Variants in GSE1 observed in about 807,000 individuals in gnomAD.
GSE1 encodes Gse1 coiled-coil protein, also known as genetic suppressor element 1.
GSE1 carries 32 observed loss-of-function variants against 112.6 expected under a neutral mutation model. That is an observed-to-expected ratio of 0.28 (90% CI 0.21 to 0.38). The LOEUF is 0.38. GSE1 is among the 10% of genes least tolerant of loss of function. GSE1 has a pLI of 1.00. For missense variants in GSE1, 2,348 were observed against 1,699.2 expected (o/e 1.38, Z -6.71); for synonymous variants, 1,115 against 735.6 (o/e 1.52, Z -8.35).
intron 2 of GSE1, among the ~76,000 whole-genome samples, chr16:85,376,889 C>T (rs1038655042): frequency 5.3e-4 from 80 of 152,316 alleles, no homozygotes; most frequent in Non-Finnish European, 1.6e-4. Context: ...CACACCCCTC[C>T]GCACACCGCA....
At chr16:85,608,000 C>T (rs201952125), upstream of GSE1, among the ~76,000 whole-genome samples, 21 of 152,310 alleles carry the variant, frequency 1.4e-4, no homozygotes, top group Admixed American at 7.8e-4. Context: ...ATTCCTCCCC[C>T]CCATGATTTC....
chr16:85,667,258 A>G (rs1204133636), intron 13 of GSE1, among the ~76,000 whole-genome samples: 1 of 152,190 alleles, frequency 6.6e-6, no homozygotes, highest in East Asian at 1.9e-4. Context: ...TCCTGGCCTT[A>G]CACTAAACTG....
At chr16:85,367,553 C>T (rs909809279) in intron 2 of GSE1, among the ~76,000 whole-genome samples, 1 of 152,202 alleles carries the variant, frequency 6.6e-6, no homozygotes, top group African/African-American at 2.4e-5. Context: ...GACCTGAGGG[C>T]GTGGCTTTAG....
chr16:85,426,189 A>AGATGGATG (rs760161574), intron 2 of GSE1, among the ~76,000 whole-genome samples: 20 of 78,820 alleles, frequency 2.5e-4, no homozygotes, highest in African/African-American at 7.4e-4. Context: ...TATAGTGGAT[A>AGATGGATG]GATGGATGGC....
At chr16:85,651,262 T>C (rs1438894816) in intron 3 of GSE1, among the ~76,000 whole-genome samples, 3 of 151,758 alleles carry the variant, frequency 2.0e-5, no homozygotes, top group Non-Finnish European at 4.4e-5. Context: ...CTTGCCTGGA[T>C]GGGGGGCAGC....
At chr16:85,206,916 G>A (rs2075127997) in intron 1 of GSE1, among the ~76,000 whole-genome samples, 1 of 152,040 alleles carries the variant, frequency 6.6e-6, no homozygotes, top group African/African-American at 2.4e-5. Context: ...AGCCCAGAGG[G>A]GTGGGCCAGC....
chr16:85,247,486 C>T (rs1020262815), intron 1 of GSE1, among the ~76,000 whole-genome samples: 13 of 152,220 alleles, frequency 8.5e-5, no homozygotes, highest in Non-Finnish European at 5.9e-5. Flanking sequence ...GAGAGGAGGA[C>T]GGGATGAGGG....
intron 2 of GSE1, among the ~76,000 whole-genome samples, chr16:85,493,289 C>A (rs992417782): frequency 6.6e-6 from 1 of 151,852 alleles, no homozygotes; most frequent in Non-Finnish European, 1.5e-5. Flanking sequence ...ATTTCTATAA[C>A]AAAATAATAT....
At chr16:85,616,044 C>T (rs959569837) in intron 1 of GSE1, among the ~76,000 whole-genome samples, 5 of 152,226 alleles carry the variant, frequency 3.3e-5, no homozygotes, top group African/African-American at 1.2e-4. Context: ...ATCTGAGTGC[C>T]TTGTGGTTTC....
At chr16:85,518,888 C>T (rs996245704) in intron 2 of GSE1, among the ~76,000 whole-genome samples, 2 of 152,132 alleles carry the variant, frequency 1.3e-5, no homozygotes, top group African/African-American at 2.4e-5. Flanking sequence ...CACCTGGGCC[C>T]CCAACACACA....
chr16:85,587,817 C>G (rs1253231507), intron 1 of GSE1, among the ~76,000 whole-genome samples: 1 of 152,158 alleles, frequency 6.6e-6, no homozygotes, highest in Non-Finnish European at 1.5e-5. Context: ...TCGCCCTACC[C>G]CCAAGCCTTC....
chr16:85,303,348 C>T (rs2045577242), intron 1 of GSE1, among the ~76,000 whole-genome samples: 1 of 152,244 alleles, frequency 6.6e-6, no homozygotes, highest in Non-Finnish European at 1.5e-5. Flanking sequence ...TATGACCCCT[C>T]GGTGGGGAGT....
At chr16:85,213,682 A>T (rs1180689674) in intron 1 of GSE1, among the ~76,000 whole-genome samples, 1 of 152,228 alleles carries the variant, frequency 6.6e-6, no homozygotes, top group Non-Finnish European at 1.5e-5. Flanking sequence ...CCCCCAGCCC[A>T]GAGTCTAGAG....
chr16:85,239,411 C>T (rs996657862), intron 1 of GSE1, among the ~76,000 whole-genome samples: 1 of 152,222 alleles, frequency 6.6e-6, no homozygotes, highest in African/African-American at 2.4e-5. Context: ...CCCTGGGGAG[C>T]TTGGTGGAAG....
At chr16:85,213,431 C>T (rs564343389) in intron 1 of GSE1, among the ~76,000 whole-genome samples, 121 of 152,224 alleles carry the variant, frequency 7.9e-4, no homozygotes, top group South Asian at 3.1e-3. Flanking sequence ...CCAGCTTGGG[C>T]GACAAAGTGA....
intron 1 of GSE1, among the ~76,000 whole-genome samples, chr16:85,346,484 A>G (rs1325014545): frequency 6.9e-6 from 1 of 145,778 alleles, no homozygotes; most frequent in Non-Finnish European, 1.5e-5. Context: ...GGATGGATGG[A>G]TGATGGACAG....
rs1280988826 is a variant in GSE1, at chr16:85,656,566, G to C, written c.1213G>C (p.Glu405Gln). ...GGAGCTGCTGGCCGCCAAGGCCCTG[G>C]AGCCCAGCTTCCTGCCCGTGGCCGA... ...EKELLAAKAL[E>Q]PSFLPVAELH... Residue 405 changes from glutamate to glutamine, a missense_variant, in exon 7 of 16, where the codon GAG (glutamate) becomes CAG (glutamine). Transcript: ENST00000253458. The C allele has an allele frequency of 4.5e-6, 7 of 1,548,006 alleles. No homozygotes were observed. The South Asian group carries it at 4.8e-5, about 11-fold the overall frequency.
chr16:85,241,198 C>T (rs1457320040), intron 1 of GSE1, among the ~76,000 whole-genome samples: 1 of 146,158 alleles, frequency 6.8e-6, no homozygotes, highest in Non-Finnish European at 1.5e-5. Flanking sequence ...GCTGCGAGAC[C>T]TTGGGCTCGT....
chr16:85,551,534 C>G (rs963362221), upstream of GSE1, among the ~76,000 whole-genome samples: 1 of 152,222 alleles, frequency 6.6e-6, no homozygotes, highest in East Asian at 1.9e-4. Context: ...ACAACCGGGC[C>G]GTTCAATGGA....
Sources: allele counts gnomAD v4.1 joint callset (sites outside exome capture counted in the v4.1 genomes callset), GRCh38; gene constraint gnomAD v4.1.1; transcripts MANE v1.5; gene names NCBI Gene and HGNC (gene_info 2026-07-23, HGNC 2026-07-21).